Variants in PXK observed in about 807,000 individuals in gnomAD.
The protein encoded by PXK is PX domain-containing protein kinase-like protein.
In PXK, 35 loss-of-function variants were observed where a neutral mutation model predicts 84.7. The ratio of observed to expected loss-of-function variants is 0.41; its 90% CI spans 0.32 to 0.55. The LOEUF is 0.55. Ranked by LOEUF, PXK falls within the 20% of genes least tolerant of loss-of-function variation. The pLI is 0.21. For missense variants in PXK, 634 were observed against 699.7 expected, an observed-to-expected ratio of 0.91 and a Z score of 1.06; for synonymous variants, 253 against 260.8, an observed-to-expected ratio of 0.97 and a Z score of 0.29.
intron 3 of PXK, among the ~76,000 whole-genome samples, chr3:58,373,375 G>A (rs1218626390): frequency 6.6e-6 from 1 of 152,054 alleles, no homozygotes; most frequent in Non-Finnish European, 1.5e-5. Context: ...GCGCCTGGCC[G>A]AGTCCATCAT....
At position 58,374,232 on chromosome 3, in the gene PXK, C is replaced by T. The variant is rs528436972; in HGVS notation, c.201+4754C>T. On this transcript the variant is annotated intron_variant, in intron 3 of 17. Coordinates refer to ENST00000356151, the MANE Select transcript of PXK (RefSeq NM_017771.5). Reference sequence around the variant, plus strand: ...TTGCCCAGGCTGGAGTGCAGTGAGCCGAGATCGTGCTCACTGCAACCTCCA... The same window carrying T: ...TTGCCCAGGCTGGAGTGCAGTGAGCTGAGATCGTGCTCACTGCAACCTCCA... Among the ~76,000 whole-genome samples, 603 of 149,212 alleles carry T rather than the reference C, an allele frequency of 4.0e-3. 2 individuals carry two copies. Among genetic ancestry groups the T allele is most frequent in the Non-Finnish European group, 5.5e-3 (370 of 67,262 alleles).
In PXK at chr3:58,398,586, C is replaced by T. The variant is rs1173600047; in HGVS notation, c.1103-713C>T. Among the ~76,000 whole-genome samples, 2 of 152,044 alleles carry T rather than the reference C, an allele frequency of 1.3e-5. No individual in the cohort carries two copies. The highest frequency in any genetic ancestry group is 1.3e-4 in the Admixed American group (2 of 15,252). On this transcript the variant is annotated intron_variant, in intron 11 of 17. Transcript: ENST00000356151. This position sits in a 1 kb window ranked among gnomAD's most constrained non-coding sequence, Gnocchi z 4.5. ...GGAGCTGGAGGACAAGTGAGAGCAC[C>T]TTTAGGAAGGAGGGATGCAGGAACT...
chr3:58,417,651 A>T (rs779365459), intron 17 of PXK, among the ~76,000 whole-genome samples: 1 of 152,178 alleles, frequency 6.6e-6, no homozygotes, highest in Non-Finnish European at 1.5e-5. Flanking sequence ...TTTCTGCAAA[A>T]GGTTGTTTTC....
In PXK at chr3:58,397,810, G is replaced by A; in HGVS notation, c.1102+88G>A. ...TTCCAGAGTCCAGGAAAGACCCAGA[G>A]GAAGTTGCTGTCCTCCACAGCCAGA... On this transcript the variant is annotated intron_variant, in intron 11 of 17. Transcript: ENST00000356151. This position sits in a 1 kb window ranked among gnomAD's most constrained non-coding sequence, Gnocchi z 4.7. 9.5e-7 allele frequency: 1 copy of A among 1,049,326 alleles called. No individual in the cohort carries two copies. Among genetic ancestry groups the A allele is most frequent in the Admixed American group, 2.1e-5 (1 of 48,288 alleles). The allele number at this position is 1,049,326 out of a possible 1,614,324, so 65.0% of individuals were successfully genotyped here. A position where few individuals can be genotyped will look rare whatever the true frequency, so the allele number is the denominator to read the frequency against.
Position 58,409,745 on chromosome 3 carries a change from C to A in PXK, c.1395+127C>A. ...ATCTCCTTGAAAGCTAAGACTATTT[C>A]CAGATGACTGGGGTGCAGTTTTTTT... On this transcript the variant is annotated intron_variant, in intron 15 of 17. Transcript: ENST00000356151. The surrounding 1 kb of genome is among the most constrained non-coding windows in gnomAD (Gnocchi z 4.2). The A allele has an allele frequency of 1.3e-6, 1 of 779,420 alleles. No homozygotes were observed. Among genetic ancestry groups the A allele is most frequent in the Non-Finnish European group, 2.0e-6 (1 of 506,020 alleles). 48.3% of individuals were successfully genotyped at this position (779,420 alleles called of 1,614,324 possible). A position where few individuals can be genotyped will look rare whatever the true frequency, so the allele number is the denominator to read the frequency against.
At chr3:58,389,681 A>C (rs7427568) in intron 4 of PXK, among the ~76,000 whole-genome samples, 2,901 of 135,152 alleles carry the variant, frequency 0.021, 85 homozygotes, top group African/African-American at 0.068. Flanking sequence ...AACAAACAAA[A>C]AAAAAAACCA....
intron 3 of PXK, among the ~76,000 whole-genome samples, chr3:58,372,158 T>A (rs1296875615): frequency 6.6e-6 from 1 of 152,224 alleles, no homozygotes; most frequent in Non-Finnish European, 1.5e-5. Flanking sequence ...AAAACAGGAT[T>A]GCAAGTAAAT....
chr3:58,410,191 G>C, intron 16 of PXK, 32 bp downstream of exon 16: 1 of 1,489,784 alleles, frequency 6.7e-7, no homozygotes, highest in Non-Finnish European at 9.4e-7. Context: ...TGGGGCCCAG[G>C]ACACAGAGAT....
chr3:58,423,564 G>C, intron 17 of PXK: 1 of 1,518,670 alleles, frequency 6.6e-7, no homozygotes, highest in Non-Finnish European at 8.8e-7. Context: ...GTACTTACCT[G>C]AGTATTGTGT....
chr3:58,350,586 G>A (rs1470950194), intron 1 of PXK, among the ~76,000 whole-genome samples: 7 of 152,190 alleles, frequency 4.6e-5, no homozygotes, highest in East Asian at 3.8e-4. Flanking sequence ...GCCTGGGGTG[G>A]AGTCTATTCT....
intron 2 of PXK, among the ~76,000 whole-genome samples, chr3:58,367,436 A>G (rs930562782): frequency 1.3e-5 from 2 of 151,944 alleles, no homozygotes; most frequent in African/African-American, 4.8e-5. Flanking sequence ...TAGTAGAGAC[A>G]GGGTTTCACT....
chr3:58,360,893 A>C (rs1040288796), intron 1 of PXK, among the ~76,000 whole-genome samples: 1 of 151,986 alleles, frequency 6.6e-6, no homozygotes, highest in East Asian at 1.9e-4. Context: ...AACATTCTTT[A>C]TGATTTAATT....
intron 4 of PXK, among the ~76,000 whole-genome samples, chr3:58,389,756 T>C (rs2098604515): frequency 6.6e-6 from 1 of 151,592 alleles, no homozygotes; most frequent in Non-Finnish European, 1.5e-5. Flanking sequence ...TCTCAGCACT[T>C]TGGGAGGCCG....
chr3:58,363,294 A>G (rs12107956), intron 1 of PXK, among the ~76,000 whole-genome samples: 20,744 of 151,924 alleles, frequency 0.14, 2,236 homozygotes, highest in African/African-American at 0.29. Flanking sequence ...TAGATACACA[A>G]CTGATATTTG....
intron 3 of PXK, among the ~76,000 whole-genome samples, chr3:58,376,706 C>T (rs557549584): frequency 2.0e-5 from 3 of 152,140 alleles, no homozygotes; most frequent in East Asian, 3.9e-4. Context: ...GTGGTGCCAT[C>T]GTGGCTCACT....
intron 1 of PXK, among the ~76,000 whole-genome samples, chr3:58,362,630 G>A (rs192154588): frequency 3.7e-4 from 56 of 152,100 alleles, no homozygotes; most frequent in African/African-American, 1.3e-3. Flanking sequence ...TTCCAGTGAC[G>A]TATATGTTTA....
chr3:58,397,310 A>G lies in PXK; in HGVS notation c.984+110A>G. ...AAGTAGTGAAAGGTATAGTTGGGAC[A>G]GGCCTTGCCCGTCAGCCCTTGCAGC... On this transcript the variant is annotated intron_variant, in intron 10 of 17. Transcript: ENST00000356151. The surrounding 1 kb of genome is among the most constrained non-coding windows in gnomAD (Gnocchi z 4.7). The G allele has an allele frequency of 1.5e-6, 2 of 1,322,136 alleles. No homozygotes were observed. Among genetic ancestry groups the G allele is most frequent in the Admixed American group, 1.8e-5 (1 of 54,722 alleles). 81.9% of individuals were successfully genotyped at this position (1,322,136 alleles called of 1,614,324 possible).
intron 1 of PXK, among the ~76,000 whole-genome samples, chr3:58,351,643 T>C (rs932338918): frequency 2.6e-5 from 4 of 152,044 alleles, no homozygotes; most frequent in Admixed American, 2.6e-4. Context: ...TTTTTCCTGA[T>C]TGTAAAAATA....
chr3:58,412,817 C>T lies in PXK; in HGVS notation c.1466-84C>T. ...ACACACTAAGCCAAATGTAGATTCT[C>T]AGACAGCAGTGGGTCCCAGCCTGGG... On this transcript the variant is annotated intron_variant, in intron 16 of 17. Transcript: ENST00000356151. This position sits in a 1 kb window ranked among gnomAD's most constrained non-coding sequence, Gnocchi z 6.2. 7.3e-7 allele frequency: 1 copy of T among 1,367,986 alleles called. No individual in the cohort carries two copies. Among genetic ancestry groups the T allele is most frequent in the Non-Finnish European group, 1.0e-6 (1 of 956,858 alleles). The allele number at this position is 1,367,986 out of a possible 1,614,324, so 84.7% of individuals were successfully genotyped here.
Sources: allele counts gnomAD v4.1 joint callset (sites outside exome capture counted in the v4.1 genomes callset), GRCh38; gene constraint gnomAD v4.1.1; non-coding constraint Gnocchi (gnomAD v3.1); transcripts MANE v1.5; gene names NCBI Gene and HGNC (gene_info 2026-07-23, HGNC 2026-07-21).